RORA: variants seen among roughly 807,000 people sequenced by gnomAD.
The protein encoded by RORA is nuclear receptor ROR-alpha.
In RORA, 7 loss-of-function variants were observed where a neutral mutation model predicts 69.5. That is an observed-to-expected ratio of 0.10 (90% confidence interval 0.06 to 0.19). RORA has a LOEUF of 0.19. Among genes scored for constraint, RORA ranks in the 10% least tolerant of loss-of-function variants. RORA has a pLI of 1.00. For missense variants in RORA, 457 were observed against 663.0 expected (o/e 0.69, Z 3.41); for synonymous variants, 261 against 240.8 (o/e 1.08, Z -0.78).
At chr15:60,553,843 C>T (rs955552399) in intron 2 of RORA, among the ~76,000 whole-genome samples, 1 of 152,178 alleles carries the variant, frequency 6.6e-6, no homozygotes, top group Non-Finnish European at 1.5e-5. Flanking sequence ...TATATGGCCC[C>T]TAGAAGCCTC....
intron 1 of RORA, among the ~76,000 whole-genome samples, chr15:60,727,840 G>C (rs1372085875): frequency 1.3e-5 from 2 of 152,168 alleles, no homozygotes; most frequent in Middle Eastern, 3.2e-3. Flanking sequence ...TGAAACTCTA[G>C]GAGAGGTTCA....
At chr15:60,992,172 T>C (rs1476878834) in intron 1 of RORA, among the ~76,000 whole-genome samples, 2 of 152,146 alleles carry the variant, frequency 1.3e-5, no homozygotes, top group Non-Finnish European at 2.9e-5. Flanking sequence ...AATGGATTCC[T>C]GCTGGAGGAA....
intron 1 of RORA, among the ~76,000 whole-genome samples, chr15:61,102,726 A>C (rs2078897119): frequency 6.6e-6 from 1 of 152,148 alleles, no homozygotes; most frequent in South Asian, 2.1e-4. Flanking sequence ...GATGCCTCCT[A>C]CACTGAAGCA....
chr15:60,622,259 T>C (rs554901150), intron 2 of RORA, among the ~76,000 whole-genome samples: 34 of 152,246 alleles, frequency 2.2e-4, no homozygotes, highest in African/African-American at 8.2e-4. Context: ...GAAATTATAC[T>C]AACACAAAAT....
chr15:61,084,048 C>T (rs986139517), intron 1 of RORA, among the ~76,000 whole-genome samples: 1 of 152,134 alleles, frequency 6.6e-6, no homozygotes, highest in Non-Finnish European at 1.5e-5. Context: ...GGAGATTATT[C>T]CCTTACAGGT....
At chr15:60,807,621 A>C (rs917689449) in intron 1 of RORA, among the ~76,000 whole-genome samples, 3 of 152,234 alleles carry the variant, frequency 2.0e-5, no homozygotes, top group Non-Finnish European at 4.4e-5. Context: ...TAGCCAAAGC[A>C]AGCCTAAGCA....
At chr15:61,051,483 A>G (rs960750160) in intron 1 of RORA, among the ~76,000 whole-genome samples, 13 of 152,156 alleles carry the variant, frequency 8.5e-5, no homozygotes, top group Non-Finnish European at 1.5e-4. Flanking sequence ...TCTTTCTCCT[A>G]GAGTCAATCC....
intron 1 of RORA, among the ~76,000 whole-genome samples, chr15:61,048,956 T>C (rs1159932971): frequency 6.6e-6 from 1 of 152,204 alleles, no homozygotes; most frequent in Non-Finnish European, 1.5e-5. Context: ...TATGCCTTTG[T>C]ACTGGGGACA....
At chr15:60,583,869 A>T (rs1040089834) in intron 2 of RORA, among the ~76,000 whole-genome samples, 2 of 152,192 alleles carry the variant, frequency 1.3e-5, no homozygotes, top group African/African-American at 4.8e-5. Context: ...GAGTAAGAGG[A>T]AAGGGTTAGC....
At chr15:60,779,859 T>C (rs1000944876) in intron 1 of RORA, among the ~76,000 whole-genome samples, 36 of 152,204 alleles carry the variant, frequency 2.4e-4, no homozygotes, top group Admixed American at 5.2e-4. Context: ...ATGATCTTTG[T>C]GGCTCATATG....
At chr15:60,572,484 C>T (rs2067910913) in intron 2 of RORA, among the ~76,000 whole-genome samples, 1 of 150,508 alleles carries the variant, frequency 6.6e-6, no homozygotes, top group Non-Finnish European at 1.5e-5. Flanking sequence ...ACTGGATCAT[C>T]CGGCTTTTAC....
chr15:60,573,423 C>G (rs893313927), intron 2 of RORA, among the ~76,000 whole-genome samples: 2 of 152,108 alleles, frequency 1.3e-5, no homozygotes, highest in Non-Finnish European at 2.9e-5. Context: ...TTTGCCGCAT[C>G]CAAAAAGCTT....
chr15:60,930,743 T>A (rs1372602531), intron 1 of RORA, among the ~76,000 whole-genome samples: 5 of 152,216 alleles, frequency 3.3e-5, no homozygotes, highest in Admixed American at 6.5e-5. Flanking sequence ...ACCTCTGTGG[T>A]TACACTTTGT....
intron 1 of RORA, among the ~76,000 whole-genome samples, chr15:61,067,704 A>G (rs2078283680): frequency 6.6e-6 from 1 of 152,254 alleles, no homozygotes; most frequent in Non-Finnish European, 1.5e-5. Context: ...ATCCGGTACA[A>G]CATGCTGTCA....
At chr15:60,631,845 C>T (rs1052318920) in intron 2 of RORA, among the ~76,000 whole-genome samples, 7 of 152,304 alleles carry the variant, frequency 4.6e-5, no homozygotes, top group African/African-American at 1.4e-4. Flanking sequence ...AGCCAGCTCA[C>T]AGGTGGGCCG....
chr15:60,820,762 G>A (rs181993635), intron 1 of RORA, among the ~76,000 whole-genome samples: 32 of 152,194 alleles, frequency 2.1e-4, no homozygotes, highest in African/African-American at 6.7e-4. Context: ...TCAATCCGTC[G>A]GCTTAGTCTT....
At chr15:60,633,549 A>G (rs2069780387) in intron 2 of RORA, among the ~76,000 whole-genome samples, 1 of 152,238 alleles carries the variant, frequency 6.6e-6, no homozygotes, top group Non-Finnish European at 1.5e-5. Flanking sequence ...AAGAGAGTTC[A>G]GAGGTCTTTG....
chr15:60,842,736 C>T (rs761707114), intron 1 of RORA, among the ~76,000 whole-genome samples: 23 of 151,872 alleles, frequency 1.5e-4, no homozygotes, highest in African/African-American at 4.6e-4. Flanking sequence ...TCATGGTCAC[C>T]CCCTCCCAAA....
At chr15:60,737,743 G>A (rs1445435261) in intron 1 of RORA, among the ~76,000 whole-genome samples, 1 of 152,206 alleles carries the variant, frequency 6.6e-6, no homozygotes, top group Admixed American at 6.5e-5. Flanking sequence ...CATAGATTGT[G>A]TGAACTGTCA....
Sources: allele counts gnomAD v4.1 joint callset (sites outside exome capture counted in the v4.1 genomes callset), GRCh38; gene constraint gnomAD v4.1.1; transcripts MANE v1.5; gene names NCBI Gene and HGNC (gene_info 2026-07-23, HGNC 2026-07-21).